The following DUOX1 variants were observed in gnomAD, a reference collection of about 807,000 sequenced individuals.
DUOX1 encodes NADPH thyroid oxidase 1.
In DUOX1, 134 loss-of-function variants were observed where a neutral mutation model predicts 181.8. That is an observed-to-expected ratio of 0.74 (90% confidence interval 0.64 to 0.85). The LOEUF is 0.85. Among genes scored for constraint, DUOX1 ranks in the 40% least tolerant of loss-of-function variants. The pLI, the probability that DUOX1 is intolerant of heterozygous loss-of-function variation, is 0.00. For synonymous variants in DUOX1, 798 were observed against 832.5 expected (o/e 0.96, Z 0.71); for missense variants, 1,814 against 2,064.4 (o/e 0.88, Z 2.35).
intron 28 of DUOX1, among the ~76,000 whole-genome samples, chr15:45,157,044 CGA>C (rs1896985298): frequency 6.6e-6 from 1 of 152,150 alleles, no homozygotes; most frequent in African/African-American, 2.4e-5. Context: ...TCCTTTGTGC[CGA>C]GACAAAGAGA....
In DUOX1 at chr15:45,142,231, G is replaced by C; in HGVS notation, c.1822+119G>C. 2 of 1,206,032 alleles carry C rather than the reference G, an allele frequency of 1.7e-6. 1 individual carries two copies. The highest frequency in any genetic ancestry group is 3.1e-5 in the African/African-American group (2 of 65,216). The allele number at this position is 1,206,032 out of a possible 1,614,324, so 74.7% of individuals were successfully genotyped here. A position where few individuals can be genotyped will look rare whatever the true frequency, so the allele number is the denominator to read the frequency against. ...ACACAGAGCATGGTCCCTTTGGGTA[G>C]GAGAATGAAACATTAGAGGAGGAAG... On this transcript the variant is annotated intron_variant, in intron 15 of 33. Coordinates refer to ENST00000389037, the MANE Select transcript of DUOX1 (RefSeq NM_175940.3).
At position 45,153,493 on chromosome 15, in the gene DUOX1, AATGTGTGTGTGTGT is replaced by A. The variant is rs764313514; in HGVS notation, c.3524+15_3524+28del. The A allele has an allele frequency of 2.0e-3, 2,417 of 1,189,300 alleles. 3 individuals are homozygous for A. Among genetic ancestry groups the A allele is most frequent in the Non-Finnish European group, 2.8e-3 (2,262 of 803,260 alleles). The allele number at this position is 1,189,300 out of a possible 1,614,324, so 73.7% of individuals were successfully genotyped here. A position where few individuals can be genotyped will look rare whatever the true frequency, so the allele number is the denominator to read the frequency against. ...CCATGATGATGGGTGAGTAAGTGCG[AATGTGTGTGTGTGT>A]GTGTGTGTGTGTGTGTGTGTGTGTG... On this transcript the variant is annotated intron_variant, in intron 26 of 33. Transcript: ENST00000389037.
chr15:45,162,149 TTC>T, intron 30 of DUOX1, 68 bp from the exon 31 acceptor site: 1 of 1,557,590 alleles, frequency 6.4e-7, no homozygotes, highest in Non-Finnish European at 8.7e-7. Context: ...ACCTTTCCTT[TTC>T]TCTCATTTCT....
At chr15:45,143,405 T>C (rs117618181) in intron 16 of DUOX1, 102 bp downstream of exon 16, 45,808 of 873,300 alleles carry the variant, frequency 0.052, 1,324 homozygotes, top group Non-Finnish European at 0.058. Context: ...CTCCCTTTTC[T>C]AGGACTGTAG....
At position 45,141,402 on chromosome 15, in the gene DUOX1, G is replaced by A; in HGVS notation, c.1676G>A (p.Trp559Ter). The A allele has an allele frequency of 1.2e-6, 2 of 1,614,212 alleles. No homozygotes were observed. The highest frequency in any genetic ancestry group is 1.7e-6 in the Non-Finnish European group (2 of 1,180,042). Residue 559 changes from tryptophan to a stop codon, truncating the protein, a stop_gained, in exon 14 of 34, where the codon TGG (tryptophan) becomes TAG (stop). Transcript: ENST00000389037. LOFTEE classifies it high-confidence loss of function. ...PSALQPNVFVWHKGDPCPQPR... is the reference protein window; with the variant it reads ...PSALQPNVFV ...GCTCTGCAGCCCAATGTCTTTGTCT[G>A]GCATAAAGGTGAGTGGCCAAGGGGT...
intron 28 of DUOX1, among the ~76,000 whole-genome samples, chr15:45,159,921 G>A (rs924485388): frequency 2.0e-5 from 3 of 152,146 alleles, no homozygotes; most frequent in East Asian, 1.9e-4. Context: ...TTGGGAGGCC[G>A]AGGTGGGCAA....
rs1896834318 is a variant in DUOX1, at chr15:45,152,305, TCA to T, written c.3217_3218del (p.Thr1073GlyfsTer100). 6.2e-7 allele frequency: 1 copy of T among 1,613,846 alleles called. No individual in the cohort carries two copies. Among genetic ancestry groups the T allele is most frequent in the South Asian group, 1.1e-5 (1 of 91,080 alleles). Reference sequence around the variant, plus strand: ...CCACAGACTACGCCTTTGCCGCACATCACACGGGCATCACAGACACCACCCGC... The same window carrying T: ...CCACAGACTACGCCTTTGCCGCACATCACGGGCATCACAGACACCACCCGC... ...RAYYYAFAAH[H>X]TGITDTTRVG... is the part of the protein sequence containing the mutation. On this transcript the variant is annotated frameshift_variant, in exon 25 of 34. Coordinates refer to ENST00000389037, the MANE Select transcript of DUOX1 (RefSeq NM_175940.3). LOFTEE classifies it high-confidence loss of function.
chr15:45,145,586 G>T (rs1896630631), intron 18 of DUOX1, among the ~76,000 whole-genome samples: 1 of 152,172 alleles, frequency 6.6e-6, no homozygotes, highest in African/African-American at 2.4e-5. Flanking sequence ...GAGGCAGCCT[G>T]GGAGCAGGGT....
chr15:45,132,257 C>T (rs1421640518), intron 2 of DUOX1, among the ~76,000 whole-genome samples: 1 of 152,220 alleles, frequency 6.6e-6, no homozygotes, highest in East Asian at 1.9e-4. Flanking sequence ...GCTGTCAGCA[C>T]TTTCTCTTTT....
chr15:45,149,625 GA>G (rs1262468277), intron 21 of DUOX1, among the ~76,000 whole-genome samples: 7 of 152,168 alleles, frequency 4.6e-5, no homozygotes, highest in Non-Finnish European at 4.4e-5. Context: ...AAAGTGGGAG[GA>G]TCACTTGAGG....
At chr15:45,137,675 TTG>T (rs960168465) in intron 9 of DUOX1, among the ~76,000 whole-genome samples, 1 of 152,128 alleles carries the variant, frequency 6.6e-6, no homozygotes, top group Non-Finnish European at 1.5e-5. Context: ...TATACATATA[TTG>T]AGAGAGAGTC....
intron 12 of DUOX1, 169 bp from the exon 13 acceptor site, chr15:45,140,726 G>A (rs1356585213): frequency 9.9e-6 from 6 of 606,338 alleles, no homozygotes; most frequent in Middle Eastern, 4.5e-4. Context: ...GTTCACTTAT[G>A]TAAAACACTC....
Position 45,161,869 on chromosome 15 carries a change from G to A in DUOX1, c.3988G>A (p.Asp1330Asn). ...CACACTGACCTCTGCGCCCCATGAG[G>A]ACACGCTTAGCCTGCACATCCGGGC... Reference protein sequence around the residue: ...PFTLTSAPHEDTLSLHIRAAG... With the variant: ...PFTLTSAPHENTLSLHIRAAG... The change falls in exon 30 of 34, where the codon GAC becomes AAC. Residue 1330 changes from aspartate (D) to asparagine (N), a missense_variant. Asp to Asn is a conservative substitution (Grantham distance 23, BLOSUM62 1). Transcript: ENST00000389037. The A allele has an allele frequency of 6.2e-7, 1 of 1,613,786 alleles. No individual in the cohort carries two copies. The highest frequency in any genetic ancestry group is 8.5e-7 in the Non-Finnish European group (1 of 1,179,950).
At chr15:45,156,007 T>G (rs1312032040) in intron 28 of DUOX1, 78 bp downstream of exon 28, 1 of 1,571,796 alleles carries the variant, frequency 6.4e-7, no homozygotes, top group Non-Finnish European at 8.7e-7. Flanking sequence ...AGCTGGGACA[T>G]TCATTCAATT....
At chr15:45,143,710 C>T (rs1395458916) in intron 16 of DUOX1, among the ~76,000 whole-genome samples, 1 of 152,170 alleles carries the variant, frequency 6.6e-6, no homozygotes, top group African/African-American at 2.4e-5. Flanking sequence ...ATTTTTGAAT[C>T]TCTCTAAACC....
At position 45,139,222 on chromosome 15, in the gene DUOX1, C is replaced by T. The variant is rs1373493349; in HGVS notation, c.1216+54C>T. 6.8e-6 allele frequency: 11 copies of T among 1,612,044 alleles called. 1 individual carries two copies. In the South Asian group the frequency reaches 1.1e-4, roughly 16 times the overall value. On this transcript the variant is annotated intron_variant, in intron 11 of 33. Transcript: ENST00000389037. ...TGAACTCCTGGCCTCTGGGAAGAGG[C>T]TCAGCTGGACTTCCAGAACCAGGTA...
rs756662712 is a variant in DUOX1, at chr15:45,138,103, T to TGTGTGTGTGTGA, written c.1113+92_1113+93insTGTGTGTGAGTG. On this transcript the variant is annotated intron_variant, in intron 10 of 33. Coordinates refer to ENST00000389037, the MANE Select transcript of DUOX1 (RefSeq NM_175940.3). ...ATGTGTGTGTGTGTGTGTGTGTGTG[T>TGTGTGTGTGTGA]GTGAGTGCATGGTGAAAGTGGTCAG... is the stretch of plus-strand genomic sequence containing the variant. 568 of 1,011,942 alleles carry TGTGTGTGTGTGA rather than the reference T, an allele frequency of 5.6e-4. 2 individuals are homozygous for TGTGTGTGTGTGA. The African/African-American group carries it at 8.7e-3, about 16-fold the overall frequency. The allele number at this position is 1,011,942 out of a possible 1,614,324, so 62.7% of individuals were successfully genotyped here.
chr15:45,147,717 GA>G, intron 19 of DUOX1, 59 bp downstream of exon 19: 7 of 1,603,524 alleles, frequency 4.4e-6, no homozygotes, highest in Non-Finnish European at 5.1e-6. Context: ...TGGAGATGGG[GA>G]AGCCCTGGGA....
chr15:45,142,088 G>A lies in DUOX1; in HGVS notation c.1798G>A (p.Gly600Arg), dbSNP rs150434930. 1.4e-5 allele frequency: 22 copies of A among 1,613,852 alleles called. No individual in the cohort carries two copies. Among genetic ancestry groups the A allele is most frequent in the African/African-American group, 2.7e-5 (2 of 74,908 alleles). The change falls in exon 15 of 34, where the codon GGG becomes AGG. Residue 600 changes from glycine to arginine, a missense_variant. This residue lies in a region of DUOX1 where 1,064 missense variants were observed against 1,152.9 expected (regional missense o/e 0.92). Transcript: ENST00000389037. Reference sequence around the variant, plus strand: ...TGGATTTGGCTTCGGGGTCACCATCGGGACCCTCTGTTGCTTCCCTTTGGG... The same window carrying A: ...TGGATTTGGCTTCGGGGTCACCATCAGGACCCTCTGTTGCTTCCCTTTGGG... ...GSGFGFGVTI[G>R]TLCCFPLVSL...
Sources: gnomAD v4.1 joint callset for allele counts (sites outside exome capture counted in the v4.1 genomes callset) on GRCh38, gnomAD v4.1.1 for gene constraint, gnomAD v4.1.1 regional missense constraint, MANE v1.5 for transcripts, NCBI Gene and HGNC (gene_info 2026-07-23, HGNC 2026-07-21) for gene names.